The following NDNF variants were observed in gnomAD, a reference collection of about 807,000 sequenced individuals.
The protein encoded by NDNF is neuron derived neurotrophic factor, also known as protein NDNF.
A neutral mutation model predicts 42.0 loss-of-function variants in NDNF; 16 were observed. The ratio of observed to expected loss-of-function variants is 0.38; its 90% CI spans 0.26 to 0.58. The LOEUF (loss-of-function observed/expected upper bound fraction) is 0.58. Among genes scored for constraint, NDNF ranks in the 20% least tolerant of loss-of-function variants. NDNF has a pLI of 0.67. For synonymous variants in NDNF, 248 were observed against 251.7 expected (o/e 0.99, Z 0.14); for missense variants, 616 against 666.2 (o/e 0.92, Z 0.83).
intron 2 of NDNF, 42 bp downstream of exon 2, chr4:121,045,607 CT>C: frequency 6.5e-7 from 1 of 1,546,112 alleles, no homozygotes; most frequent in Non-Finnish European, 8.9e-7. Flanking sequence ...TGGAGGCATC[CT>C]TTGTGAGCTT....
At position 121,045,735 on chromosome 4, in the gene NDNF, G is replaced by A. The variant is rs368314253; in HGVS notation, c.103C>T (p.Arg35Trp). The change falls in exon 2 of 4, where the codon CGG becomes TGG. Residue 35 changes from arginine (R) to tryptophan (W), a missense_variant. Transcript: ENST00000379692. The part of the protein sequence containing the change: ...RDEELFQMQI[R>W]DKAFFHDSSV... ...GAATCATGAAAAAATGCCTTGTCCCGGATCTGCATCTGAAAAAGTTCCTCA... is the reference window on the plus strand; with the variant it reads ...GAATCATGAAAAAATGCCTTGTCCCAGATCTGCATCTGAAAAAGTTCCTCA... The A allele has an allele frequency of 3.1e-6, 5 of 1,613,974 alleles. No individual in the cohort carries two copies. The highest frequency in any genetic ancestry group is 1.7e-5 in the Admixed American group (1 of 59,992).
At chr4:121,055,280 A>C (rs2148768708) in intron 1 of NDNF, among the ~76,000 whole-genome samples, 1 of 152,366 alleles carries the variant, frequency 6.6e-6, no homozygotes, top group African/African-American at 2.4e-5. Flanking sequence ...AGGCTACTGC[A>C]GTTGTCCATG....
Position 121,072,050 on chromosome 4 carries a change from G to A in NDNF, c.-59C>T, listed in dbSNP as rs966736063. 1.3e-5 allele frequency: 2 copies of A among 152,296 alleles called. No homozygotes were observed. The highest frequency in any genetic ancestry group is 1.3e-4 in the Admixed American group (2 of 15,282). The allele number at this position is 152,296 out of a possible 1,614,324, so 9.4% of individuals were successfully genotyped here. ...GAAAAAAATCCCTCCCCGTGGTGTG[G>A]TGTGCGAAATAGTCCACGTCCCCGG... On this transcript the variant is annotated 5_prime_UTR_variant, in exon 1 of 4. Coordinates refer to ENST00000379692, the MANE Select transcript of NDNF (RefSeq NM_024574.4).
intron 2 of NDNF, 48 bp downstream of exon 2, chr4:121,045,602 G>T: frequency 6.7e-7 from 1 of 1,492,742 alleles, no homozygotes; most frequent in Non-Finnish European, 9.2e-7. Context: ...TTTTTTGGAG[G>T]CATCCTTTGT....
chr4:121,048,891 T>A (rs1727141887), intron 1 of NDNF, among the ~76,000 whole-genome samples: 1 of 152,204 alleles, frequency 6.6e-6, no homozygotes, highest in African/African-American at 2.4e-5. Context: ...GTTGTATACA[T>A]GCCACATGCC....
At chr4:121,065,257 AC>A (rs911368678) in intron 1 of NDNF, among the ~76,000 whole-genome samples, 26 of 152,174 alleles carry the variant, frequency 1.7e-4, no homozygotes, top group African/African-American at 6.0e-4. Context: ...TTCATTCTTT[AC>A]AGATAAAAGT....
chr4:121,045,975 A>G, intron 1 of NDNF, 137 bp from the exon 2 acceptor site: 1 of 607,914 alleles, frequency 1.6e-6, no homozygotes, highest in Non-Finnish European at 2.6e-6. Flanking sequence ...ATACATACAC[A>G]TGATCTTCAA....
At chr4:121,051,197 C>A (rs11098600) in intron 1 of NDNF, among the ~76,000 whole-genome samples, 80,069 of 151,866 alleles carry the variant, frequency 0.53, 22,123 homozygotes, top group East Asian at 0.64. Flanking sequence ...GGGATTCTTT[C>A]TAATGTTTTA....
At chr4:121,040,919 A>G (rs1209678069) in intron 2 of NDNF, among the ~76,000 whole-genome samples, 1 of 152,190 alleles carries the variant, frequency 6.6e-6, no homozygotes, top group Non-Finnish European at 1.5e-5. Context: ...CACTGGGATT[A>G]CAAGTGTGAG....
intron 1 of NDNF, among the ~76,000 whole-genome samples, chr4:121,054,997 G>GT (rs5861509): frequency 0.31 from 46,119 of 148,496 alleles, 8,221 homozygotes; most frequent in African/African-American, 0.51. Flanking sequence ...ACTCAGCTAG[G>GT]TTTTTTTTTT....
chr4:121,062,395 G>A (rs909920568), intron 1 of NDNF, among the ~76,000 whole-genome samples: 2 of 152,188 alleles, frequency 1.3e-5, no homozygotes, highest in African/African-American at 2.4e-5. Context: ...TAAGATGCAC[G>A]TGTTGAGATC....
intron 1 of NDNF, among the ~76,000 whole-genome samples, chr4:121,048,566 G>A (rs888936101): frequency 2.6e-5 from 4 of 152,210 alleles, no homozygotes; most frequent in Non-Finnish European, 5.9e-5. Context: ...CTGGCTGGGC[G>A]CAGTGGCTCA....
intron 2 of NDNF, among the ~76,000 whole-genome samples, 179 bp from the exon 3 acceptor site, chr4:121,040,233 A>C (rs1043765666): frequency 6.6e-6 from 1 of 152,212 alleles, no homozygotes; most frequent in Non-Finnish European, 1.5e-5. Context: ...TATTTGACAC[A>C]AAACATGATA....
intron 1 of NDNF, among the ~76,000 whole-genome samples, chr4:121,068,314 T>C (rs1218183880): frequency 6.6e-6 from 1 of 152,246 alleles, no homozygotes; most frequent in East Asian, 1.9e-4. Context: ...AAATGCAAAG[T>C]ATTTTAAAAT....
chr4:121,071,020 G>C (rs1485562090), intron 1 of NDNF, among the ~76,000 whole-genome samples: 2 of 152,200 alleles, frequency 1.3e-5, no homozygotes, highest in South Asian at 4.1e-4. Flanking sequence ...AAGGTGAACC[G>C]AGAGCGCACA....
chr4:121,045,899 G>A (rs1727084177), intron 1 of NDNF, 61 bp from the exon 2 acceptor site: 3 of 1,524,178 alleles, frequency 2.0e-6, no homozygotes, highest in Non-Finnish European at 2.7e-6. Context: ...GCAAGTCACA[G>A]ACTTTCTAAA....
intron 2 of NDNF, among the ~76,000 whole-genome samples, chr4:121,044,853 C>T (rs1727060012): frequency 6.6e-6 from 1 of 152,076 alleles, no homozygotes. Flanking sequence ...ATAGTCCCAG[C>T]TATTCATGAG....
intron 2 of NDNF, among the ~76,000 whole-genome samples, chr4:121,040,448 T>C (rs1188065025): frequency 6.6e-6 from 1 of 152,224 alleles, no homozygotes; most frequent in Non-Finnish European, 1.5e-5. Flanking sequence ...TGTTGCCCTA[T>C]AGGTGCCATG....
chr4:121,052,533 A>C (rs1727217505), intron 1 of NDNF, among the ~76,000 whole-genome samples: 1 of 152,306 alleles, frequency 6.6e-6, no homozygotes, highest in African/African-American at 2.4e-5. Flanking sequence ...TCTATTTTCA[A>C]ACTCAAGAGC....
Sources: allele counts gnomAD v4.1 joint callset (sites outside exome capture counted in the v4.1 genomes callset), GRCh38; gene constraint gnomAD v4.1.1; transcripts MANE v1.5; gene names NCBI Gene and HGNC (gene_info 2026-07-23, HGNC 2026-07-21).